FARS2: variants seen among roughly 807,000 people sequenced by gnomAD.
The protein encoded by FARS2 is phenylalanyl-tRNA synthetase 2, mitochondrial, also known as phenylalanine--tRNA ligase, mitochondrial.
A neutral mutation model predicts 46.4 loss-of-function variants in FARS2; 40 were observed. The observed-to-expected ratio is 0.86, with a 90% confidence interval of 0.67 to 1.12. The LOEUF (loss-of-function observed/expected upper bound fraction) is 1.12. Ranked by LOEUF, FARS2 falls within the 50% of genes most tolerant of loss-of-function variation. The pLI, the probability that FARS2 is intolerant of heterozygous loss-of-function variation, is 0.00. For missense variants in FARS2, 513 were observed against 567.9 expected (o/e 0.90, Z 0.98); for synonymous variants, 234 against 214.9 (o/e 1.09, Z -0.78).
intron 4 of FARS2, among the ~76,000 whole-genome samples, chr6:5,506,025 C>T (rs1768078972): frequency 1.3e-5 from 2 of 152,134 alleles, no homozygotes; most frequent in African/African-American, 4.8e-5. Flanking sequence ...TTTATTTCTC[C>T]TCAGCTGATG....
chr6:5,749,948 C>T (rs182395679), intron 6 of FARS2, among the ~76,000 whole-genome samples: 1 of 152,254 alleles, frequency 6.6e-6, no homozygotes, highest in Admixed American at 6.5e-5. Flanking sequence ...ATTGGGCCTG[C>T]GGGGAGTTAC....
At chr6:5,441,627 T>G (rs1472842910) in intron 4 of FARS2, among the ~76,000 whole-genome samples, 1 of 152,228 alleles carries the variant, frequency 6.6e-6, no homozygotes, top group Non-Finnish European at 1.5e-5. Flanking sequence ...GGATGAATGT[T>G]CCATAGTTCA....
intron 1 of FARS2, among the ~76,000 whole-genome samples, chr6:5,359,463 CA>C (rs1407869241): frequency 1.3e-5 from 2 of 152,158 alleles, no homozygotes; most frequent in African/African-American, 4.8e-5. Context: ...ATTGTCTGCA[CA>C]AAAGGTAGCT....
At position 5,364,655 on chromosome 6, in the gene FARS2, A is replaced by G. The variant is rs142142865; in HGVS notation, c.-21-3895A>G. ...ACACAATCTCTATAGCAGCTATTCA[A>G]TCTTACCTTGATAGCAAGAAAGCCA... is the stretch of plus-strand genomic sequence containing the variant. On this transcript the variant is annotated intron_variant, in intron 1 of 6. Transcript: ENST00000274680. Among the ~76,000 whole-genome samples, 23 of 152,326 alleles carry G rather than the reference A, an allele frequency of 1.5e-4. No individual in the cohort carries two copies. In the East Asian group the frequency reaches 2.7e-3, roughly 18 times the overall value.
intron 5 of FARS2, among the ~76,000 whole-genome samples, chr6:5,573,846 C>G (rs1772801131): frequency 6.6e-6 from 1 of 152,178 alleles, no homozygotes; most frequent in Admixed American, 6.5e-5. Context: ...TATTCTATCA[C>G]AAGCACAGTG....
chr6:5,356,787 G>A (rs1161291302), intron 1 of FARS2, among the ~76,000 whole-genome samples: 3 of 152,136 alleles, frequency 2.0e-5, no homozygotes, highest in Non-Finnish European at 4.4e-5. Flanking sequence ...CTAATTTAGC[G>A]GTCATAGCAA....
At chr6:5,623,548 CT>C (rs1775878524) in intron 6 of FARS2, among the ~76,000 whole-genome samples, 1 of 152,054 alleles carries the variant, frequency 6.6e-6, no homozygotes, top group Non-Finnish European at 1.5e-5. Context: ...CCCGTCTCTA[CT>C]AAAAATACAA....
intron 2 of FARS2, among the ~76,000 whole-genome samples, chr6:5,383,265 C>T (rs983449930): frequency 6.6e-6 from 1 of 152,156 alleles, no homozygotes; most frequent in Non-Finnish European, 1.5e-5. Context: ...AATAAATAGC[C>T]TCTATTTGTA....
chr6:5,621,953 T>A (rs915647647), intron 6 of FARS2, among the ~76,000 whole-genome samples: 1 of 152,212 alleles, frequency 6.6e-6, no homozygotes, highest in Non-Finnish European at 1.5e-5. Context: ...TTAACATCTC[T>A]TCTCTTTCTA....
At chr6:5,257,705 G>A (rs1764746534), upstream of FARS2, among the ~76,000 whole-genome samples, 1 of 152,168 alleles carries the variant, frequency 6.6e-6, no homozygotes. Context: ...TAGGTTGCAT[G>A]CTCCTTATGA....
chr6:5,681,477 C>A (rs1400397060), intron 6 of FARS2, among the ~76,000 whole-genome samples: 2 of 152,192 alleles, frequency 1.3e-5, no homozygotes, highest in Non-Finnish European at 2.9e-5. Flanking sequence ...GTGATTTTTA[C>A]TTTCTTTATG....
intron 1 of FARS2, among the ~76,000 whole-genome samples, chr6:5,346,117 A>G (rs975744371): frequency 1.3e-5 from 2 of 152,212 alleles, no homozygotes; most frequent in Admixed American, 1.3e-4. Flanking sequence ...CTTCCCTCGC[A>G]GGACCCAACT....
intron 1 of FARS2, among the ~76,000 whole-genome samples, chr6:5,309,246 C>G (rs1768929304): frequency 6.6e-6 from 1 of 152,016 alleles, no homozygotes; most frequent in Non-Finnish European, 1.5e-5. Context: ...CAGATAGACT[C>G]TCTAGGACTT....
At chr6:5,367,118 A>C (rs1015699625) in intron 1 of FARS2, among the ~76,000 whole-genome samples, 1 of 152,224 alleles carries the variant, frequency 6.6e-6, no homozygotes, top group Non-Finnish European at 1.5e-5. Context: ...ACAGCCATTC[A>C]ACTTGCAGCT....
chr6:5,313,084 C>T (rs1482030144), intron 1 of FARS2, among the ~76,000 whole-genome samples: 1 of 152,160 alleles, frequency 6.6e-6, no homozygotes, highest in Non-Finnish European at 1.5e-5. Context: ...ACCTAATCAG[C>T]AAAGTACAAC....
chr6:5,531,435 A>T (rs1769824265), intron 4 of FARS2, among the ~76,000 whole-genome samples: 1 of 152,168 alleles, frequency 6.6e-6, no homozygotes, highest in Non-Finnish European at 1.5e-5. Flanking sequence ...AAAATCTAGG[A>T]CTCAGGAAGG....
intron 1 of FARS2, among the ~76,000 whole-genome samples, chr6:5,352,456 C>T (rs545589987): frequency 3.3e-5 from 5 of 152,046 alleles, no homozygotes; most frequent in Admixed American, 2.0e-4. Context: ...CATGCTGGTG[C>T]TTTCTTTGTG....
At chr6:5,674,537 T>A (rs1020002670) in intron 6 of FARS2, among the ~76,000 whole-genome samples, 2 of 152,190 alleles carry the variant, frequency 1.3e-5, no homozygotes, top group African/African-American at 4.8e-5. Context: ...CCGGCAACTG[T>A]AGACAAGGAG....
chr6:5,766,471 T>A (rs1762755708), intron 6 of FARS2, among the ~76,000 whole-genome samples: 1 of 152,258 alleles, frequency 6.6e-6, no homozygotes, highest in African/African-American at 2.4e-5. Context: ...GTGCCCTCTG[T>A]TGGTGGAAGG....
Sources: allele counts gnomAD v4.1 joint callset (sites outside exome capture counted in the v4.1 genomes callset), GRCh38; gene constraint gnomAD v4.1.1; transcripts MANE v1.5; gene names NCBI Gene and HGNC (gene_info 2026-07-23, HGNC 2026-07-21).